Variants in SHLD1 observed in about 807,000 individuals in gnomAD.
SHLD1 encodes the protein shieldin complex subunit 1.
In SHLD1, 3 loss-of-function variants were observed where a neutral mutation model predicts 5.5. The ratio of observed to expected loss-of-function variants is 0.54; its 90% confidence interval spans 0.25 to 1.40. The LOEUF is 1.40. Ranked by LOEUF, SHLD1 falls within the 40% of genes most tolerant of loss-of-function variation. The probability of loss-of-function intolerance (pLI) is 0.15; values close to 1 mark genes in which losing one functional copy is unlikely to be tolerated. For synonymous variants in SHLD1, 92 were observed against 94.3 expected (o/e 0.98, Z 0.14); for missense variants, 210 against 244.4 (o/e 0.86, Z 0.94).
At chr20:5,776,739 G>A (rs981761491) in intron 2 of SHLD1, among the ~76,000 whole-genome samples, 8 of 151,734 alleles carry the variant, frequency 5.3e-5, no homozygotes, top group East Asian at 3.9e-4. Context: ...CTCCAGCCCC[G>A]GCAACAGAGC....
At chr20:5,752,851 G>A (rs962266254) in intron 1 of SHLD1, among the ~76,000 whole-genome samples, 4 of 152,154 alleles carry the variant, frequency 2.6e-5, no homozygotes, top group African/African-American at 9.7e-5. Flanking sequence ...CTGTAGTGCA[G>A]TGGCGCAGTC....
intron 1 of SHLD1, among the ~76,000 whole-genome samples, chr20:5,759,587 G>A (rs919041393): frequency 6.6e-6 from 1 of 152,050 alleles, no homozygotes; most frequent in African/African-American, 2.4e-5. Flanking sequence ...AGGCTGGAGT[G>A]CAGTGGCATA....
At chr20:5,758,932 T>C (rs1984293987) in intron 1 of SHLD1, among the ~76,000 whole-genome samples, 2 of 151,442 alleles carry the variant, frequency 1.3e-5, no homozygotes, top group Non-Finnish European at 1.5e-5. Flanking sequence ...TTTTTTTTTT[T>C]TCTCATCTTT....
chr20:5,860,286 T>C (rs1356152817), intron 2 of SHLD1, among the ~76,000 whole-genome samples: 1 of 152,222 alleles, frequency 6.6e-6, no homozygotes, highest in Non-Finnish European at 1.5e-5. Context: ...TTGCTTGATA[T>C]TAAAGTAGGC....
At chr20:5,849,828 G>T (rs933008175) in intron 2 of SHLD1, among the ~76,000 whole-genome samples, 1 of 150,524 alleles carries the variant, frequency 6.6e-6, no homozygotes, top group African/African-American at 2.4e-5. Flanking sequence ...GCGCGGTGGC[G>T]GGCGCCTGTA....
chr20:5,829,899 A>G (rs905402943), intron 2 of SHLD1, among the ~76,000 whole-genome samples: 1 of 152,174 alleles, frequency 6.6e-6, no homozygotes, highest in African/African-American at 2.4e-5. Flanking sequence ...AACACAGGCA[A>G]TATCTGTGAA....
chr20:5,754,614 C>T (rs1444970613), intron 1 of SHLD1, among the ~76,000 whole-genome samples: 1 of 152,140 alleles, frequency 6.6e-6, no homozygotes, highest in African/African-American at 2.4e-5. Flanking sequence ...AGAACTTGTG[C>T]CCAAGGTAGT....
At chr20:5,832,833 AAAT>A in intron 2 of SHLD1, among the ~76,000 whole-genome samples, 1 of 149,570 alleles carries the variant, frequency 6.7e-6, no homozygotes, top group Non-Finnish European at 1.5e-5. Context: ...ATAAATAAAT[AAAT>A]AAATAAATAA....
At chr20:5,850,728 T>C (rs1479993316) in intron 2 of SHLD1, among the ~76,000 whole-genome samples, 1 of 152,218 alleles carries the variant, frequency 6.6e-6, no homozygotes, top group South Asian at 2.1e-4. Context: ...GCCAGACTGG[T>C]CTCTAACTCC....
At chr20:5,830,839 T>G (rs889504579) in intron 2 of SHLD1, among the ~76,000 whole-genome samples, 8 of 152,162 alleles carry the variant, frequency 5.3e-5, no homozygotes. Flanking sequence ...ATATTCAGTT[T>G]GTAAAAGTTA....
At chr20:5,772,298 C>T (rs956882109) in intron 1 of SHLD1, 2 of 380,382 alleles carry the variant, frequency 5.3e-6, no homozygotes, top group Middle Eastern at 6.7e-4. Flanking sequence ...TACTTGAACA[C>T]AAGCACTGTG....
At chr20:5,774,164 A>G (rs1985320344) in intron 2 of SHLD1, among the ~76,000 whole-genome samples, 1 of 152,192 alleles carries the variant, frequency 6.6e-6, no homozygotes, top group South Asian at 2.1e-4. Context: ...AGATCGTGCC[A>G]CTTCACTCCA....
intron 2 of SHLD1, among the ~76,000 whole-genome samples, chr20:5,844,346 T>C (rs1275643273): frequency 1.3e-5 from 2 of 152,204 alleles, no homozygotes; most frequent in East Asian, 3.8e-4. Flanking sequence ...CTTTGCTTGA[T>C]TAATAGCTGT....
intron 2 of SHLD1, among the ~76,000 whole-genome samples, chr20:5,838,330 T>C (rs1021540518): frequency 6.6e-6 from 1 of 152,204 alleles, no homozygotes; most frequent in African/African-American, 2.4e-5. Flanking sequence ...GTTGGAGTGG[T>C]AGATTATGGG....
chr20:5,843,540 G>A (rs6116969), intron 2 of SHLD1, among the ~76,000 whole-genome samples: 10 of 152,006 alleles, frequency 6.6e-5, no homozygotes, highest in Non-Finnish European at 1.3e-4. Flanking sequence ...CATGGCCCTA[G>A]GCTTTGTGTC....
At chr20:5,809,444 C>T (rs962484400) in intron 2 of SHLD1, among the ~76,000 whole-genome samples, 4 of 152,034 alleles carry the variant, frequency 2.6e-5, no homozygotes, top group African/African-American at 4.8e-5. Context: ...AAGGAAAAGC[C>T]GGCTGCCTCC....
At chr20:5,811,095 T>G (rs111257394) in intron 2 of SHLD1, among the ~76,000 whole-genome samples, 2,426 of 152,240 alleles carry the variant, frequency 0.016, 23 homozygotes, top group African/African-American at 0.029. Flanking sequence ...AGACATTTAC[T>G]GAGGGGTGAT....
rs1379785827 is a variant in SHLD1, at chr20:5,839,429, GT to G, written c.179-23594del. Among the ~76,000 whole-genome samples, 8 of 152,118 alleles carry G rather than the reference GT, an allele frequency of 5.3e-5. No individual in the cohort carries two copies. In the East Asian group the frequency reaches 1.5e-3, roughly 29 times the overall value. ...TTAATGTTTTTATTCTTATATCTGG[GT>G]CATAGAGAGATGAATGGGTAAATGA... is the stretch of plus-strand genomic sequence containing the variant. On this transcript the variant is annotated intron_variant, in intron 2 of 2. Coordinates refer to ENST00000303142, the MANE Select transcript of SHLD1 (RefSeq NM_152504.4).
chr20:5,757,059 TTTTC>T (rs1318001119), intron 1 of SHLD1, among the ~76,000 whole-genome samples: 15 of 150,968 alleles, frequency 9.9e-5, no homozygotes, highest in African/African-American at 1.9e-4. Context: ...CTTTTTCTTT[TTTTC>T]TTTCTTTCTT....
Sources: allele counts gnomAD v4.1 joint callset (sites outside exome capture counted in the v4.1 genomes callset), GRCh38; gene constraint gnomAD v4.1.1; transcripts MANE v1.5; gene names NCBI Gene and HGNC (gene_info 2026-07-23, HGNC 2026-07-21).